Variants in CADM2 observed in about 807,000 individuals in gnomAD.
The protein encoded by CADM2 is immunoglobulin superfamily member 4D.
Under a neutral mutation model 49.8 loss-of-function variants are expected in CADM2, and 12 were observed. The ratio of observed to expected loss-of-function variants is 0.24; its 90% CI spans 0.15 to 0.39. The LOEUF is 0.39. CADM2 is among the 10% of genes least tolerant of loss of function. The probability of loss-of-function intolerance (pLI) is 1.00; values close to 1 mark genes in which losing one functional copy is unlikely to be tolerated. For synonymous variants in CADM2, 214 were observed against 175.4 expected (o/e 1.22, Z -1.74); for missense variants, 378 against 492.3 (o/e 0.77, Z 2.20).
At chr3:85,927,326 T>C (rs1284963967) in intron 6 of CADM2, among the ~76,000 whole-genome samples, 6 of 152,184 alleles carry the variant, frequency 3.9e-5, no homozygotes, top group African/African-American at 1.4e-4. Context: ...TAAAAGATGA[T>C]CTCTGCTTTG....
intron 8 of CADM2, among the ~76,000 whole-genome samples, chr3:85,974,586 T>C (rs1354292752): frequency 2.6e-5 from 4 of 151,638 alleles, no homozygotes; most frequent in Non-Finnish European, 5.9e-5. Context: ...CTGATGAATT[T>C]ATCATATTCA....
chr3:86,014,534 T>C, intron 8 of CADM2: 1 of 1,572,620 alleles, frequency 6.4e-7, no homozygotes, highest in Non-Finnish European at 8.7e-7. Flanking sequence ...ACTTGGAATC[T>C]CAGCTAGCCT....
Position 85,075,850 on chromosome 3 carries a change from T to A in CADM2, c.61+116182T>A, listed in dbSNP as rs1328276052. On this transcript the variant is annotated intron_variant, in intron 1 of 9. Transcript: ENST00000383699. The stretch of plus-strand genomic sequence containing the variant: ...TATTGAATTAAAATTCGTTACATTC[T>A]TGAGAGTTTATAACTTTTTCATATA... Among the ~76,000 whole-genome samples, 3 of 152,188 alleles carry A rather than the reference T, an allele frequency of 2.0e-5. No individual in the cohort carries two copies. The East Asian group carries it at 5.8e-4, about 29-fold the overall frequency.
intron 7 of CADM2, among the ~76,000 whole-genome samples, chr3:85,941,788 T>C (rs558226395): frequency 6.6e-6 from 1 of 152,052 alleles, no homozygotes; most frequent in Non-Finnish European, 1.5e-5. Flanking sequence ...CTGGAAGGCC[T>C]TAAAGAACCC....
intron 1 of CADM2, among the ~76,000 whole-genome samples, chr3:85,161,051 A>G (rs1030864972): frequency 2.0e-5 from 3 of 152,194 alleles, no homozygotes; most frequent in Non-Finnish European, 4.4e-5. Context: ...ATTAAATATA[A>G]TAAGATGAAC....
chr3:85,971,222 A>G (rs932782102), intron 8 of CADM2, among the ~76,000 whole-genome samples: 1 of 151,448 alleles, frequency 6.6e-6, no homozygotes, highest in Admixed American at 6.6e-5. Context: ...GCCCTTATGG[A>G]CTCTCGTATG....
chr3:85,471,496 T>C (rs1370367766), intron 1 of CADM2, among the ~76,000 whole-genome samples: 1 of 152,098 alleles, frequency 6.6e-6, no homozygotes. Flanking sequence ...ATAAGCAATC[T>C]GTGCCAAAGA....
intron 1 of CADM2, among the ~76,000 whole-genome samples, chr3:85,682,659 AT>A (rs2066072592): frequency 2.0e-5 from 3 of 151,982 alleles, no homozygotes; most frequent in Admixed American, 6.6e-5. Context: ...AGAACACTAA[AT>A]TTTTCTAGTT....
chr3:85,685,415 T>C (rs907133366), intron 1 of CADM2, among the ~76,000 whole-genome samples: 1 of 152,094 alleles, frequency 6.6e-6, no homozygotes, highest in Non-Finnish European at 1.5e-5. Flanking sequence ...AAACTAAAGA[T>C]GTATTTTAAT....
chr3:86,022,475 G>A (rs147737373), intron 8 of CADM2, among the ~76,000 whole-genome samples: 1 of 152,160 alleles, frequency 6.6e-6, no homozygotes, highest in Admixed American at 6.5e-5. Flanking sequence ...ATGGATCAAT[G>A]TCTGAAAAAC....
At chr3:85,711,155 A>G (rs1355265310) in intron 1 of CADM2, among the ~76,000 whole-genome samples, 3 of 152,102 alleles carry the variant, frequency 2.0e-5, no homozygotes, top group Non-Finnish European at 4.4e-5. Flanking sequence ...TGATGCAAAC[A>G]TTTTCTTTGT....
At chr3:85,543,420 A>ATGTGTGTGGGTGTGGGTGTG (rs372108050) in intron 1 of CADM2, among the ~76,000 whole-genome samples, 1 of 129,584 alleles carries the variant, frequency 7.7e-6, no homozygotes, top group Non-Finnish European at 1.7e-5. Context: ...TGCCAAGCTA[A>ATGTGTGTGGGTGTGGGTGTG]TGTGTGTGTG....
intron 3 of CADM2, among the ~76,000 whole-genome samples, chr3:85,853,310 C>T (rs558518835): frequency 6.6e-6 from 1 of 151,822 alleles, no homozygotes; most frequent in East Asian, 1.9e-4. Flanking sequence ...AAAACAACAA[C>T]AACAACAACA....
intron 1 of CADM2, among the ~76,000 whole-genome samples, chr3:85,597,685 T>C (rs952974602): frequency 1.3e-5 from 2 of 152,044 alleles, no homozygotes; most frequent in Non-Finnish European, 2.9e-5. Context: ...TCAGAGGACA[T>C]TTTTGTCAAA....
intron 2 of CADM2, among the ~76,000 whole-genome samples, chr3:85,778,145 G>C (rs1440293369): frequency 6.6e-6 from 1 of 152,012 alleles, no homozygotes; most frequent in African/African-American, 2.4e-5. Flanking sequence ...AAAGATAAAA[G>C]CAACATTATT....
chr3:85,200,745 A>G (rs1280639732), intron 1 of CADM2, among the ~76,000 whole-genome samples: 2 of 152,148 alleles, frequency 1.3e-5, no homozygotes, highest in African/African-American at 4.8e-5. Context: ...TTACAACCTT[A>G]TATTTCAATG....
intron 3 of CADM2, among the ~76,000 whole-genome samples, chr3:85,871,182 T>G (rs1358857548): frequency 6.6e-6 from 1 of 152,080 alleles, no homozygotes; most frequent in Non-Finnish European, 1.5e-5. Context: ...GGAACTTAAA[T>G]TTACATGAAT....
chr3:85,346,894 G>A (rs537333056), intron 1 of CADM2, among the ~76,000 whole-genome samples: 3 of 152,054 alleles, frequency 2.0e-5, no homozygotes, highest in Admixed American at 6.6e-5. Flanking sequence ...GCATTAAAGC[G>A]CAACAAATAA....
chr3:85,767,184 A>C (rs1390958521), intron 2 of CADM2, among the ~76,000 whole-genome samples: 1 of 152,192 alleles, frequency 6.6e-6, no homozygotes, highest in Non-Finnish European at 1.5e-5. Flanking sequence ...TGACCACCTT[A>C]AAGTTCACTC....
Sources: allele counts gnomAD v4.1 joint callset (sites outside exome capture counted in the v4.1 genomes callset), GRCh38; gene constraint gnomAD v4.1.1; transcripts MANE v1.5; gene names NCBI Gene and HGNC (gene_info 2026-07-23, HGNC 2026-07-21).